The following PRKD1 variants were observed in gnomAD, a reference collection of about 807,000 sequenced individuals.
PRKD1 encodes the protein serine/threonine-protein kinase D1.
PRKD1 carries 63 observed loss-of-function variants against 95.9 expected under a neutral mutation model. That is an observed-to-expected ratio of 0.66 (90% confidence interval 0.54 to 0.81). PRKD1 has a LOEUF of 0.81. PRKD1 is among the 30% of genes least tolerant of loss of function. The pLI is 0.00. For synonymous variants in PRKD1, 425 were observed against 423.1 expected (o/e 1.00, Z -0.05); for missense variants, 1,048 against 1,165.3 (o/e 0.90, Z 1.47).
intron 1 of PRKD1, among the ~76,000 whole-genome samples, chr14:29,862,375 G>T (rs889107799): frequency 1.3e-5 from 2 of 152,158 alleles, no homozygotes; most frequent in African/African-American, 4.8e-5. Flanking sequence ...TTCGGGGAGG[G>T]GGGTGGTATT....
intron 1 of PRKD1, among the ~76,000 whole-genome samples, chr14:29,787,221 T>G (rs1889315454): frequency 6.7e-6 from 1 of 149,776 alleles, no homozygotes; most frequent in Non-Finnish European, 1.5e-5. Context: ...CAGTGTTTTT[T>G]TTTTTTTTTT....
intron 1 of PRKD1, among the ~76,000 whole-genome samples, chr14:29,914,390 T>C (rs1414901740): frequency 2.0e-5 from 3 of 152,212 alleles, no homozygotes; most frequent in African/African-American, 7.2e-5. Flanking sequence ...AAACAAACTT[T>C]ATTAAAAGAA....
Position 29,820,339 on chromosome 14 carries a change from A to G in PRKD1, c.265-94665T>C, listed in dbSNP as rs1021828589. On this transcript the variant is annotated intron_variant, in intron 1 of 17. Transcript: ENST00000331968. Reference sequence around the variant, plus strand: ...ACTCACAGGCTAAGCAGAAAAAAGCACATACATTCTGTAATTAAAATAGAA... The same window carrying G: ...ACTCACAGGCTAAGCAGAAAAAAGCGCATACATTCTGTAATTAAAATAGAA... 3.3e-5 allele frequency among the ~76,000 whole-genome samples: 5 copies of G among 152,352 alleles called. No individual in the cohort carries two copies. The South Asian group carries it at 1.0e-3, about 32-fold the overall frequency.
At chr14:29,894,187 G>A (rs1594609054) in intron 1 of PRKD1, among the ~76,000 whole-genome samples, 1 of 152,144 alleles carries the variant, frequency 6.6e-6, no homozygotes, top group Non-Finnish European at 1.5e-5. Context: ...AAGTGGTTCA[G>A]TCAGGAATAA....
intron 1 of PRKD1, among the ~76,000 whole-genome samples, chr14:29,867,232 T>C (rs1426270503): frequency 1.4e-5 from 2 of 147,558 alleles, no homozygotes; most frequent in East Asian, 3.9e-4. Flanking sequence ...TGTTTAGAAC[T>C]GTTAATGTAC....
At chr14:29,667,721 A>C (rs1320563229) in intron 2 of PRKD1, among the ~76,000 whole-genome samples, 2 of 152,190 alleles carry the variant, frequency 1.3e-5, no homozygotes, top group Admixed American at 1.3e-4. Context: ...CCTCAGCCCC[A>C]AAATCACCCC....
chr14:29,826,870 T>TATATAC (rs1422110544), intron 1 of PRKD1, among the ~76,000 whole-genome samples: 1 of 108,348 alleles, frequency 9.2e-6, no homozygotes, highest in Non-Finnish European at 1.9e-5. Context: ...TATATATATA[T>TATATAC]ATATATGATG....
chr14:29,814,627 A>C (rs2139252537), intron 1 of PRKD1, among the ~76,000 whole-genome samples: 1 of 152,234 alleles, frequency 6.6e-6, no homozygotes, highest in South Asian at 2.1e-4. Flanking sequence ...TTTCAAAGGT[A>C]TATGCAAAAC....
intron 1 of PRKD1, among the ~76,000 whole-genome samples, chr14:29,876,641 A>C (rs2139387228): frequency 6.6e-6 from 1 of 152,224 alleles, no homozygotes; most frequent in South Asian, 2.1e-4. Context: ...TTGCAAAAAA[A>C]AAAGCCAATT....
chr14:29,644,138 T>C (rs1420241516), intron 4 of PRKD1, among the ~76,000 whole-genome samples: 1 of 152,208 alleles, frequency 6.6e-6, no homozygotes, highest in East Asian at 1.9e-4. Context: ...AAATATTTAA[T>C]ATACAGACTG....
chr14:29,790,070 G>A (rs980037477), intron 1 of PRKD1, among the ~76,000 whole-genome samples: 1 of 138,758 alleles, frequency 7.2e-6, no homozygotes, highest in Non-Finnish European at 1.5e-5. Context: ...GGAGTGCAGT[G>A]GCACAATCTC....
chr14:29,605,928 C>A (rs763077231), intron 13 of PRKD1, among the ~76,000 whole-genome samples: 1 of 152,114 alleles, frequency 6.6e-6, no homozygotes, highest in Non-Finnish European at 1.5e-5. Context: ...CAGCACATGG[C>A]TTTTTAATTG....
intron 2 of PRKD1, among the ~76,000 whole-genome samples, chr14:29,723,192 C>T (rs1885981718): frequency 6.6e-6 from 1 of 152,090 alleles, no homozygotes. Context: ...AGGAATCTGA[C>T]AACAATTATT....
chr14:29,748,952 G>C (rs1032059252), intron 1 of PRKD1, among the ~76,000 whole-genome samples: 1 of 152,046 alleles, frequency 6.6e-6, no homozygotes, highest in Non-Finnish European at 1.5e-5. Flanking sequence ...AAATTATATA[G>C]ATTTTGGAGT....
intron 1 of PRKD1, among the ~76,000 whole-genome samples, chr14:29,901,107 A>G (rs1894302987): frequency 6.6e-6 from 1 of 152,228 alleles, no homozygotes; most frequent in Admixed American, 6.5e-5. Context: ...TCAACAGTGA[A>G]CTGGATAAAG....
In PRKD1 at chr14:29,577,265, G is replaced by A. The variant is rs2138937916; in HGVS notation, c.2712C>T (p.Ala904=). The change falls in exon 18 of 18, where the codon GCC becomes GCT. Residue 904 remains alanine, a synonymous_variant. Transcript: ENST00000331968. The part of the protein sequence containing the change: ...TPETEETEMK[A]LGERVSIL ...AGAGGATGCTGACACGCTCACCGAGGGCTTTCATTTCTGTTTCTTCAGTCT... is the reference window on the plus strand; with the variant it reads ...AGAGGATGCTGACACGCTCACCGAGAGCTTTCATTTCTGTTTCTTCAGTCT... 4 of 1,613,476 alleles carry A rather than the reference G, an allele frequency of 2.5e-6. No homozygotes were observed. The East Asian group carries it at 6.7e-5, about 27-fold the overall frequency.
chr14:29,855,884 T>C (rs548409747), intron 1 of PRKD1, among the ~76,000 whole-genome samples: 4 of 152,170 alleles, frequency 2.6e-5, no homozygotes, highest in Non-Finnish European at 5.9e-5. Flanking sequence ...TGTTCCTTCT[T>C]GCTTTCCACC....
In PRKD1 at chr14:29,795,701, C is replaced by T. The variant is rs1594526381; in HGVS notation, c.265-70027G>A. Among the ~76,000 whole-genome samples the T allele has an allele frequency of 1.3e-5, 2 of 152,160 alleles. 1 individual carries two copies. Among genetic ancestry groups the T allele is most frequent in the South Asian group, 4.2e-4 (2 of 4,816 alleles). ...CAACAATGTGCAATATTCCCCAATT[C>T]CAGATATTAAAACAATCATGTAAGA... On this transcript the variant is annotated intron_variant, in intron 1 of 17. Coordinates refer to ENST00000331968, the MANE Select transcript of PRKD1 (RefSeq NM_002742.3).
At chr14:29,761,883 A>C (rs1248140410) in intron 1 of PRKD1, among the ~76,000 whole-genome samples, 1 of 151,672 alleles carries the variant, frequency 6.6e-6, no homozygotes, top group African/African-American at 2.4e-5. Context: ...CTTGGGCTCA[A>C]GCAATCCTCA....
Sources: allele counts gnomAD v4.1 joint callset (sites outside exome capture counted in the v4.1 genomes callset), GRCh38; gene constraint gnomAD v4.1.1; transcripts MANE v1.5; gene names NCBI Gene and HGNC (gene_info 2026-07-23, HGNC 2026-07-21).